SLC4A5: variants seen among roughly 807,000 people sequenced by gnomAD.
The protein encoded by SLC4A5 is solute carrier family 4 member 5.
SLC4A5 carries 96 observed loss-of-function variants against 120.4 expected under a neutral mutation model. That is an observed-to-expected ratio of 0.80 (90% CI 0.68 to 0.94). SLC4A5 has a LOEUF of 0.94. Ranked by LOEUF, SLC4A5 falls within the 40% of genes least tolerant of loss-of-function variation. The pLI, the probability that SLC4A5 is intolerant of heterozygous loss-of-function variation, is 0.00. For synonymous variants in SLC4A5, 550 were observed against 571.1 expected (o/e 0.96, Z 0.53); for missense variants, 1,259 against 1,459.5 (o/e 0.86, Z 2.24).
intron 8 of SLC4A5, among the ~76,000 whole-genome samples, chr2:74,273,556 T>C (rs1324904616): frequency 6.6e-6 from 1 of 152,250 alleles, no homozygotes; most frequent in East Asian, 1.9e-4. Context: ...CTTCTGTGTA[T>C]TAGTTACAAA....
At chr2:74,314,242 A>G (rs1005417586) in intron 6 of SLC4A5, among the ~76,000 whole-genome samples, 1 of 152,122 alleles carries the variant, frequency 6.6e-6, no homozygotes, top group South Asian at 2.1e-4. Context: ...GCCCTCCCCC[A>G]AGTCTACATT....
chr2:74,285,698 C>G, intron 8 of SLC4A5, 75 bp downstream of exon 8: 3 of 1,564,110 alleles, frequency 1.9e-6, no homozygotes, highest in Non-Finnish European at 1.7e-6. Context: ...GGTGCCACTT[C>G]CCACCAGGAG....
intron 25 of SLC4A5, among the ~76,000 whole-genome samples, chr2:74,228,351 G>A (rs1217710968): frequency 6.6e-6 from 1 of 152,148 alleles, no homozygotes; most frequent in African/African-American, 2.4e-5. Flanking sequence ...CATCCGGCCG[G>A]GTGTGGTGGC....
At chr2:74,267,045 G>A (rs1223299357) in intron 8 of SLC4A5, among the ~76,000 whole-genome samples, 1 of 152,088 alleles carries the variant, frequency 6.6e-6, no homozygotes, top group Non-Finnish European at 1.5e-5. Flanking sequence ...AATGAAGATG[G>A]CCAATAAACA....
chr2:74,314,902 A>C, intron 6 of SLC4A5, 43 bp downstream of exon 6: 2 of 1,543,464 alleles, frequency 1.3e-6, no homozygotes, highest in Non-Finnish European at 1.8e-6. Context: ...GAGAATTCTC[A>C]GTGCCTCCTG....
intron 4 of SLC4A5, among the ~76,000 whole-genome samples, chr2:74,328,497 A>G (rs1048440707): frequency 3.9e-5 from 6 of 152,158 alleles, no homozygotes; most frequent in African/African-American, 1.4e-4. Flanking sequence ...ATCTCCCTGC[A>G]TAGTTTTTAA....
intron 8 of SLC4A5, among the ~76,000 whole-genome samples, chr2:74,273,874 A>G (rs1023503130): frequency 1.3e-5 from 2 of 152,310 alleles, no homozygotes; most frequent in East Asian, 1.9e-4. Flanking sequence ...CAAAAGGGGA[A>G]CACCTGAGGC....
chr2:74,223,307 C>A (rs1308034541), intron 28 of SLC4A5, among the ~76,000 whole-genome samples: 1 of 152,134 alleles, frequency 6.6e-6, no homozygotes, highest in Non-Finnish European at 1.5e-5. Context: ...GCGTGGCCAA[C>A]AACTTGGCTT....
chr2:74,250,433 G>A, exon 17 of SLC4A5: 1 of 1,614,170 alleles, frequency 6.2e-7, no homozygotes, highest in Non-Finnish European at 8.5e-7. Context: ...TGGCAGAGAT[G>A]GACTGAATGT....
intron 21 of SLC4A5, among the ~76,000 whole-genome samples, chr2:74,236,114 T>C (rs1670262126): frequency 6.6e-6 from 1 of 152,176 alleles, no homozygotes; most frequent in Admixed American, 6.5e-5. Context: ...CCACCTCCCC[T>C]TTTCTCAATC....
At chr2:74,290,492 A>G (rs757034110) in intron 7 of SLC4A5, 13 of 985,268 alleles carry the variant, frequency 1.3e-5, no homozygotes, top group Non-Finnish European at 1.4e-5. Flanking sequence ...GAGAGGCTAT[A>G]TGTAGAGAGA....
At chr2:74,320,775 A>T (rs1196729703) in intron 5 of SLC4A5, among the ~76,000 whole-genome samples, 1 of 152,210 alleles carries the variant, frequency 6.6e-6, no homozygotes, top group East Asian at 1.9e-4. Context: ...CCAGAGAGCA[A>T]CAGGCACATC....
intron 17 of SLC4A5, among the ~76,000 whole-genome samples, chr2:74,249,252 C>T (rs1359306887): frequency 6.6e-6 from 1 of 152,060 alleles, no homozygotes; most frequent in Non-Finnish European, 1.5e-5. Context: ...CAGGAGCACG[C>T]AGTAGAGGTA....
rs757393252 is a variant in SLC4A5, at chr2:74,235,022, T to A, written c.2433+79A>T. 17 of 1,143,088 alleles carry A rather than the reference T, an allele frequency of 1.5e-5. No homozygotes were observed. The East Asian group carries it at 2.4e-4, about 16-fold the overall frequency. The allele number at this position is 1,143,088 out of a possible 1,614,324, so 70.8% of individuals were successfully genotyped here. A position where few individuals can be genotyped will look rare whatever the true frequency, so the allele number is the denominator to read the frequency against. On this transcript the variant is annotated intron_variant, in intron 22 of 30. Coordinates refer to ENST00000394019, the Ensembl canonical transcript of SLC4A5. Reference sequence around the variant, plus strand: ...CTCTTGGCCAAGAGGAGAAGAGAGTTTGATCAGCACAGAGGGGAAAGAATC... The same window carrying A: ...CTCTTGGCCAAGAGGAGAAGAGAGTATGATCAGCACAGAGGGGAAAGAATC...
intron 5 of SLC4A5, among the ~76,000 whole-genome samples, chr2:74,325,901 G>GGGAAA (rs547355836): frequency 1.5e-3 from 221 of 150,340 alleles, no homozygotes; most frequent in Middle Eastern, 6.8e-3. Flanking sequence ...GGAAGGGAAG[G>GGGAAA]GGAAAGGAAA....
chr2:74,251,258 C>T (rs914952120), intron 16 of SLC4A5, among the ~76,000 whole-genome samples: 2 of 151,662 alleles, frequency 1.3e-5, no homozygotes, highest in African/African-American at 4.8e-5. Flanking sequence ...TCCCTGGGCT[C>T]GGGGGTAGGG....
At chr2:74,335,856 T>C (rs1673474394) in intron 3 of SLC4A5, among the ~76,000 whole-genome samples, 1 of 152,158 alleles carries the variant, frequency 6.6e-6, no homozygotes, top group African/African-American at 2.4e-5. Context: ...ATGGGAAAAC[T>C]GAATAGGGCA....
intron 7 of SLC4A5, among the ~76,000 whole-genome samples, chr2:74,300,458 A>AT (rs1248234746): frequency 6.6e-6 from 1 of 152,176 alleles, no homozygotes; most frequent in East Asian, 1.9e-4. Flanking sequence ...AACATGTATA[A>AT]TTTTGTCAAT....
At chr2:74,247,422 C>A in intron 18 of SLC4A5, 115 bp from the exon 19 acceptor site, 2 of 1,135,546 alleles carry the variant, frequency 1.8e-6, no homozygotes, top group Non-Finnish European at 2.4e-6. Context: ...GATGCCCTCC[C>A]AGGGACTGTG....
Sources: gnomAD v4.1 joint callset for allele counts (sites outside exome capture counted in the v4.1 genomes callset) on GRCh38, gnomAD v4.1.1 for gene constraint, MANE v1.5 for transcripts, NCBI Gene and HGNC (gene_info 2026-07-23, HGNC 2026-07-21) for gene names.